The following CCDC73 variants were observed in gnomAD, a reference collection of about 807,000 sequenced individuals.
CCDC73 encodes coiled-coil domain containing 73.
A neutral mutation model predicts 116.5 loss-of-function variants in CCDC73; 95 were observed. The ratio of observed to expected loss-of-function variants is 0.82; its 90% confidence interval spans 0.69 to 0.97. The LOEUF (loss-of-function observed/expected upper bound fraction) is 0.97, where lower values mean the gene tolerates loss of function less well. Ranked by LOEUF, CCDC73 falls within the 50% of genes least tolerant of loss-of-function variation. The pLI, the probability that CCDC73 is intolerant of heterozygous loss-of-function variation, is 0.00. For synonymous variants in CCDC73, 398 were observed against 401.3 expected (o/e 0.99, Z 0.10); for missense variants, 1,066 against 1,206.8 (o/e 0.88, Z 1.73).
intron 17 of CCDC73, chr11:32,603,564 A>G (rs2450409): frequency 0.23 from 34,697 of 152,068 alleles, 4,240 homozygotes; most frequent in Middle Eastern, 0.28. Context: ...TGATCATTCT[A>G]TAGAATTTTA....
chr11:32,720,025 G>C (rs1051865651), intron 2 of CCDC73, among the ~76,000 whole-genome samples: 1 of 152,124 alleles, frequency 6.6e-6, no homozygotes, highest in African/African-American at 2.4e-5. Flanking sequence ...AACAGAAGAG[G>C]AGGAAACACA....
At chr11:32,605,148 G>A (rs1330634869) in intron 17 of CCDC73, 3 of 149,770 alleles carry the variant, frequency 2.0e-5, no homozygotes, top group African/African-American at 7.4e-5. Flanking sequence ...CACCCTGCCC[G>A]ACCTAGTAAT....
In CCDC73 at chr11:32,784,329, CAA is replaced by C. The variant is rs36029585; in HGVS notation, c.-16+10282_-16+10283del. On this transcript the variant is annotated intron_variant, in intron 1 of 17. Transcript: ENST00000335185. ...AAGCAACAAGAGTGAAAGTCCGTCT[CAA>C]AAAAAAAAAAGAAAGCAATGGGGAA... 2.3e-4 allele frequency among the ~76,000 whole-genome samples: 32 copies of C among 141,840 alleles called. No individual in the cohort carries two copies. In the South Asian group the frequency reaches 3.7e-3, roughly 17 times the overall value. 93.1% of individuals were successfully genotyped at this position (141,840 alleles called of 152,430 possible).
chr11:32,702,850 T>C (rs997345367), intron 4 of CCDC73, 23 bp downstream of exon 4: 2 of 1,511,354 alleles, frequency 1.3e-6, no homozygotes, highest in Admixed American at 3.3e-5. Flanking sequence ...AATGGTAGTG[T>C]TTGTCTATCC....
chr11:32,762,815 GA>G (rs1850403631), intron 1 of CCDC73, among the ~76,000 whole-genome samples: 1 of 151,870 alleles, frequency 6.6e-6, no homozygotes, highest in African/African-American at 2.4e-5. Context: ...CCTTACCCAG[GA>G]AGTGCAAGGG....
intron 12 of CCDC73, among the ~76,000 whole-genome samples, chr11:32,651,762 T>G (rs1855828035): frequency 6.6e-6 from 1 of 152,250 alleles, no homozygotes; most frequent in Non-Finnish European, 1.5e-5. Flanking sequence ...CACATACTCA[T>G]GAAACTGGCC....
chr11:32,764,428 C>T (rs1189645168), intron 1 of CCDC73, among the ~76,000 whole-genome samples: 1 of 152,110 alleles, frequency 6.6e-6, no homozygotes, highest in South Asian at 2.1e-4. Context: ...GCAGAAACTC[C>T]ACAAGCCATA....
chr11:32,653,152 C>T lies in CCDC73; in HGVS notation c.910G>A (p.Glu304Lys). 6.2e-7 allele frequency: 1 copy of T among 1,610,976 alleles called. No individual in the cohort carries two copies. Among genetic ancestry groups the T allele is most frequent in the African/African-American group, 1.3e-5 (1 of 74,954 alleles). ...QIQANTEMEA[E>K]LKVLKENNQT... ...TTATTTTCTTTTAGCACCTTCAATT[C>T]TGCCTCCATTTCAGTATTAGCTTGA... The change falls in exon 12 of 18, where the codon GAA (glutamate) becomes AAA (lysine). Residue 304 changes from glutamate (E) to lysine (K), a missense_variant. Physicochemically the swap from Glu to Lys is moderately conservative, Grantham distance 56 (BLOSUM62 1). Transcript: ENST00000335185.
At chr11:32,808,891 C>G in the CCDC73 span, among the ~76,000 whole-genome samples, 1 of 152,116 alleles carries the variant, frequency 6.6e-6, no homozygotes, top group Non-Finnish European at 1.5e-5. Flanking sequence ...TTTTCATTAT[C>G]TATTCTGCCA....
intron 6 of CCDC73, among the ~76,000 whole-genome samples, chr11:32,698,893 AGTACT>A (rs1849782163): frequency 6.6e-6 from 1 of 152,230 alleles, no homozygotes; most frequent in Non-Finnish European, 1.5e-5. Flanking sequence ...AAATAAGCAC[AGTACT>A]TAGCACATAG....
chr11:32,699,899 T>C (rs970404295), intron 5 of CCDC73, among the ~76,000 whole-genome samples: 2 of 148,860 alleles, frequency 1.3e-5, no homozygotes, highest in African/African-American at 2.5e-5. Flanking sequence ...TATATATATA[T>C]ATAAAAAGAA....
the CCDC73 span, among the ~76,000 whole-genome samples, chr11:32,819,126 C>T: frequency 5.2e-4 from 78 of 150,902 alleles, no homozygotes; most frequent in African/African-American, 1.8e-3. Context: ...ATTCTTATGT[C>T]CCCCAGAGCA....
chr11:32,661,237 A>C (rs772560910), intron 9 of CCDC73, among the ~76,000 whole-genome samples: 7 of 152,280 alleles, frequency 4.6e-5, no homozygotes, highest in Non-Finnish European at 1.0e-4. Flanking sequence ...ATTGTCAAAA[A>C]TGTCCCCTTT....
In CCDC73 at chr11:32,635,752, C is replaced by A; in HGVS notation, c.1129G>T (p.Glu377Ter). 7.7e-7 allele frequency: 1 copy of A among 1,292,782 alleles called. No homozygotes were observed. The highest frequency in any genetic ancestry group is 2.3e-5 in the South Asian group (1 of 43,814). The allele number at this position is 1,292,782 out of a possible 1,614,324, so 80.1% of individuals were successfully genotyped here. A position where few individuals can be genotyped will look rare whatever the true frequency, so the allele number is the denominator to read the frequency against. The change falls in exon 14 of 18, where the codon GAA becomes TAA. Residue 377 changes from glutamate (E) to a stop codon, truncating the protein, a stop_gained. Transcript: ENST00000335185. LOFTEE classifies it high-confidence loss of function. ...SLKETHIKLQ[E>*]HYNKLCNQKT... ...TGATTGCATAATTTGTTATAATGTTCTTGTAACTTAATATGAGTTTCTTTA... is the reference window on the plus strand; with the variant it reads ...TGATTGCATAATTTGTTATAATGTTATTGTAACTTAATATGAGTTTCTTTA...
chr11:32,676,002 T>C lies in CCDC73; in HGVS notation c.449A>G (p.His150Arg). 1.9e-6 allele frequency: 3 copies of C among 1,601,694 alleles called. No individual in the cohort carries two copies. Among genetic ancestry groups the C allele is most frequent in the Non-Finnish European group, 2.6e-6 (3 of 1,176,378 alleles). Residue 150 changes from histidine to arginine, a missense_variant, in exon 8 of 18, where the codon CAT becomes CGT. His to Arg is a conservative substitution (Grantham distance 29, BLOSUM62 0). Coordinates refer to ENST00000335185, the MANE Select transcript of CCDC73 (RefSeq NM_001008391.4). ...ATGATAGTCTTCTTTAGCCAGAAGA[T>C]GTAACTGGACCTTTTGTTCCTATTT... is the stretch of plus-strand genomic sequence containing the variant. ...VSEMEQKVQL[H>R]LLAKEDYHKQ...
chr11:32,675,754 A>C lies in CCDC73; in HGVS notation c.566-110T>G, dbSNP rs1002858978. 3.4e-6 allele frequency: 4 copies of C among 1,181,958 alleles called. No homozygotes were observed. The African/African-American group carries it at 4.7e-5, about 14-fold the overall frequency. The allele number at this position is 1,181,958 out of a possible 1,614,324, so 73.2% of individuals were successfully genotyped here. On this transcript the variant is annotated intron_variant, in intron 8 of 17. Coordinates refer to ENST00000335185, the MANE Select transcript of CCDC73 (RefSeq NM_001008391.4). ...TAACAATGCAATATATATGTTATTT[A>C]ATTTAGGTAACAGTTATTAACTGCC...
chr11:32,629,740 C>G (rs1173709851), intron 14 of CCDC73, among the ~76,000 whole-genome samples: 3 of 113,014 alleles, frequency 2.7e-5, no homozygotes, highest in Non-Finnish European at 5.2e-5. Flanking sequence ...TAAGAATTGT[C>G]ATAGACCTCT....
intron 2 of CCDC73, among the ~76,000 whole-genome samples, chr11:32,739,938 T>G (rs570446791): frequency 6.6e-6 from 1 of 152,016 alleles, no homozygotes; most frequent in Admixed American, 6.6e-5. Flanking sequence ...TAAATTGGAA[T>G]AGTTATATGT....
At chr11:32,735,656 C>T (rs568830159) in intron 2 of CCDC73, among the ~76,000 whole-genome samples, 1 of 152,324 alleles carries the variant, frequency 6.6e-6, no homozygotes, top group Non-Finnish European at 1.5e-5. Flanking sequence ...TTGGAAAAAA[C>T]TACTTTAAAG....
Sources: gnomAD v4.1 joint callset for allele counts (sites outside exome capture counted in the v4.1 genomes callset) on GRCh38, gnomAD v4.1.1 for gene constraint, MANE v1.5 for transcripts, NCBI Gene and HGNC (gene_info 2026-07-23, HGNC 2026-07-21) for gene names.